The following DLGAP2 variants were observed in gnomAD, a reference collection of about 807,000 sequenced individuals.
DLGAP2 encodes disks large-associated protein 2.
Under a neutral mutation model 100.3 loss-of-function variants are expected in DLGAP2, and 26 were observed. The observed-to-expected ratio is 0.26, with a 90% CI of 0.19 to 0.36. The LOEUF (loss-of-function observed/expected upper bound fraction) is 0.36, where lower values mean the gene tolerates loss of function less well. DLGAP2 is among the 10% of genes least tolerant of loss of function. The probability of loss-of-function intolerance (pLI) is 1.00; values close to 1 mark genes in which losing one functional copy is unlikely to be tolerated. For synonymous variants in DLGAP2, 886 were observed against 630.1 expected, an observed-to-expected ratio of 1.41 and a Z score of -6.08; for missense variants, 1,858 against 1,453.2, an observed-to-expected ratio of 1.28 and a Z score of -4.53.
intron 2 of DLGAP2, among the ~76,000 whole-genome samples, chr8:1,255,223 T>C (rs866006931): frequency 3.7e-4 from 22 of 60,038 alleles, no homozygotes; most frequent in African/African-American, 1.2e-3. Flanking sequence ...TCATCCTGCC[T>C]GGGTGCTGTG....
intron 3 of DLGAP2, among the ~76,000 whole-genome samples, chr8:1,445,589 C>A (rs1406376206): frequency 6.6e-6 from 1 of 152,082 alleles, no homozygotes; most frequent in African/African-American, 2.4e-5. Flanking sequence ...ATTTATAATC[C>A]CTTGGGTATA....
chr8:1,549,019 C>A lies in DLGAP2; in HGVS notation c.566C>A (p.Pro189Gln). 2 of 1,596,978 alleles carry A rather than the reference C, an allele frequency of 1.3e-6. No individual in the cohort carries two copies. The highest frequency in any genetic ancestry group is 4.5e-5 in the East Asian group (2 of 44,538). Residue 189 changes from proline to glutamine, a missense_variant, in exon 5 of 15, where the codon CCG becomes CAG. Transcript: ENST00000637795. Reference protein sequence around the residue: ...AHAGAKINRIPANLLDQFEKQ... With the variant: ...AHAGAKINRIQANLLDQFEKQ... The stretch of plus-strand genomic sequence containing the variant: ...GCGGGCGCCAAGATCAACCGCATCC[C>A]GGCCAACCTGCTGGACCAGTTCGAG...
intron 1 of DLGAP2, among the ~76,000 whole-genome samples, chr8:741,049 C>A (rs1354951630): frequency 6.6e-6 from 1 of 152,198 alleles, no homozygotes. Flanking sequence ...TCTTAATCAA[C>A]CGTAGTTTTA....
intron 3 of DLGAP2, among the ~76,000 whole-genome samples, chr8:1,427,648 G>C (rs1452486670): frequency 1.3e-5 from 2 of 152,186 alleles, no homozygotes; most frequent in Non-Finnish European, 2.9e-5. Flanking sequence ...CTGTTGTCTT[G>C]ATAGTGAATG....
intron 6 of DLGAP2, among the ~76,000 whole-genome samples, chr8:1,610,103 C>T (rs1463636083): frequency 6.6e-6 from 1 of 151,870 alleles, no homozygotes; most frequent in African/African-American, 2.4e-5. Flanking sequence ...CAGCACCACA[C>T]CACACCTATT....
intron 2 of DLGAP2, among the ~76,000 whole-genome samples, chr8:1,198,545 C>G (rs1051086371): frequency 6.6e-6 from 1 of 152,108 alleles, no homozygotes; most frequent in Admixed American, 6.5e-5. Flanking sequence ...GAGGAGGGCA[C>G]TCATGACTCA....
intron 3 of DLGAP2, among the ~76,000 whole-genome samples, chr8:1,479,842 A>G (rs1214136257): frequency 1.3e-5 from 2 of 152,142 alleles, no homozygotes; most frequent in Non-Finnish European, 2.9e-5. Flanking sequence ...TTTGGCCTGG[A>G]AGACTTTGTT....
intron 1 of DLGAP2, among the ~76,000 whole-genome samples, chr8:842,243 A>G (rs991626509): frequency 6.6e-6 from 1 of 152,154 alleles, no homozygotes; most frequent in Admixed American, 6.5e-5. Context: ...TTCAAAACAT[A>G]TTCATGGGAA....
chr8:1,415,223 C>T (rs1442051174), intron 3 of DLGAP2, among the ~76,000 whole-genome samples: 1 of 152,192 alleles, frequency 6.6e-6, no homozygotes, highest in Non-Finnish European at 1.5e-5. Context: ...CCAGGCAGCC[C>T]TAAACTGGTT....
intron 8 of DLGAP2, among the ~76,000 whole-genome samples, chr8:1,656,472 G>A (rs1361026856): frequency 6.6e-6 from 1 of 152,170 alleles, no homozygotes; most frequent in Non-Finnish European, 1.5e-5. Context: ...CAACACTGCA[G>A]CCACCACTGC....
chr8:1,480,906 C>T (rs1799073871), intron 3 of DLGAP2, among the ~76,000 whole-genome samples: 1 of 151,864 alleles, frequency 6.6e-6, no homozygotes, highest in South Asian at 2.1e-4. Context: ...GGAAGGGTGG[C>T]TTACGCCTGT....
chr8:1,067,217 A>G (rs753891614), intron 2 of DLGAP2, among the ~76,000 whole-genome samples: 9 of 152,182 alleles, frequency 5.9e-5, no homozygotes, highest in African/African-American at 1.4e-4. Context: ...TCCAAGTCCC[A>G]TCTGACCCCC....
At chr8:1,653,113 C>T (rs1224088303) in intron 8 of DLGAP2, among the ~76,000 whole-genome samples, 4 of 152,216 alleles carry the variant, frequency 2.6e-5, no homozygotes, top group Non-Finnish European at 4.4e-5. Context: ...AGAAGGAGTG[C>T]CCAGTTGCTG....
intron 3 of DLGAP2, among the ~76,000 whole-genome samples, chr8:1,367,904 T>C (rs1802144512): frequency 1.3e-5 from 2 of 152,234 alleles, no homozygotes; most frequent in African/African-American, 2.4e-5. Context: ...AGAAGTCAGA[T>C]ACCCGAACAA....
At position 1,059,707 on chromosome 8, in the gene DLGAP2, C is replaced by T. The variant is rs529994245; in HGVS notation, c.73+151741C>T. Among the ~76,000 whole-genome samples the T allele has an allele frequency of 2.4e-3, 362 of 152,252 alleles. 1 individual carries two copies. The highest frequency in any genetic ancestry group is 8.1e-3 in the African/African-American group (338 of 41,546). The stretch of plus-strand genomic sequence containing the variant: ...CAGCCTCCTTGGACCAAGGCGCCCT[C>T]TTTGCTGTGGGAAGGCTGAGGGGCG... On this transcript the variant is annotated intron_variant, in intron 2 of 14. Transcript: ENST00000637795.
chr8:1,446,210 T>C (rs920864048), intron 3 of DLGAP2, among the ~76,000 whole-genome samples: 21 of 152,092 alleles, frequency 1.4e-4, no homozygotes, highest in Non-Finnish European at 3.1e-4. Flanking sequence ...TCTTCTAGGG[T>C]TTTTATGGTT....
intron 2 of DLGAP2, among the ~76,000 whole-genome samples, chr8:1,172,590 T>C (rs908490141): frequency 3.6e-4 from 55 of 152,300 alleles, no homozygotes; most frequent in Non-Finnish European, 7.4e-4. Context: ...TTTCTTTTTA[T>C]TCTTTTTTCT....
At chr8:962,885 C>A (rs1354230392) in intron 2 of DLGAP2, among the ~76,000 whole-genome samples, 2 of 152,184 alleles carry the variant, frequency 1.3e-5, no homozygotes, top group African/African-American at 4.8e-5. Context: ...GGCTTTCATG[C>A]CAGGCTTTGT....
chr8:1,619,523 A>G (rs1797261259), intron 6 of DLGAP2, among the ~76,000 whole-genome samples: 1 of 152,244 alleles, frequency 6.6e-6, no homozygotes, highest in South Asian at 2.1e-4. Flanking sequence ...TTCTTTTAAG[A>G]AAAATTTAAA....
Sources: gnomAD v4.1 joint callset for allele counts (sites outside exome capture counted in the v4.1 genomes callset) on GRCh38, gnomAD v4.1.1 for gene constraint, MANE v1.5 for transcripts, NCBI Gene and HGNC (gene_info 2026-07-23, HGNC 2026-07-21) for gene names.